USP53: variants seen among roughly 807,000 people sequenced by gnomAD.
USP53 encodes the protein ubiquitin specific peptidase 53.
In USP53, 71 loss-of-function variants were observed where a neutral mutation model predicts 94.9. The ratio of observed to expected loss-of-function variants is 0.75; its 90% CI spans 0.62 to 0.91. The LOEUF (loss-of-function observed/expected upper bound fraction) is 0.91, where lower values mean the gene tolerates loss of function less well. USP53 is among the 40% of genes least tolerant of loss of function. USP53 has a pLI of 0.00. For synonymous variants in USP53, 375 were observed against 422.7 expected (o/e 0.89, Z 1.39); for missense variants, 1,173 against 1,281.0 (o/e 0.92, Z 1.29).
intron 17 of USP53, among the ~76,000 whole-genome samples, chr4:119,288,837 C>G (rs1754399352): frequency 6.6e-6 from 1 of 150,630 alleles, no homozygotes; most frequent in Admixed American, 6.7e-5. Context: ...ACTCAGGAGG[C>G]TGAGGCAGGA....
intron 17 of USP53, among the ~76,000 whole-genome samples, chr4:119,281,058 TAAAG>T: frequency 6.6e-6 from 1 of 152,324 alleles, no homozygotes; most frequent in Non-Finnish European, 1.5e-5. Flanking sequence ...GAAAGATTGA[TAAAG>T]AGCCTTCTGG....
At chr4:119,273,349 T>A in intron 16 of USP53, 1 of 202,466 alleles carries the variant, frequency 4.9e-6, no homozygotes, top group Non-Finnish European at 9.9e-6. Context: ...AAGGTAATTT[T>A]ATAATTCTTC....
chr4:119,241,059 GT>G (rs1393202493), intron 5 of USP53, among the ~76,000 whole-genome samples: 6 of 152,078 alleles, frequency 3.9e-5, no homozygotes, highest in African/African-American at 1.4e-4. Context: ...ATATTTTTCT[GT>G]TTACCCTTTT....
chr4:119,280,009 C>T (rs1271952841), intron 17 of USP53, among the ~76,000 whole-genome samples: 1 of 152,174 alleles, frequency 6.6e-6, no homozygotes, highest in Non-Finnish European at 1.5e-5. Flanking sequence ...CTGGTACTCC[C>T]TAGTGAGATG....
rs962589283 is a variant in USP53, at chr4:119,278,310, G to A, written c.2251+4602G>A. On this transcript the variant is annotated intron_variant, in intron 17 of 18. Transcript: ENST00000692078. ...GGGCAGGCCTAGTGGTGACAAAATC[G>A]GTCAGCATTTGCTTGTCTGTGAAGT... 3.9e-5 allele frequency among the ~76,000 whole-genome samples: 6 copies of A among 151,968 alleles called. 1 individual carries two copies. In the South Asian group the frequency reaches 6.2e-4, roughly 16 times the overall value.
chr4:119,225,671 G>A (rs974347147), intron 3 of USP53, among the ~76,000 whole-genome samples: 11 of 151,838 alleles, frequency 7.2e-5, no homozygotes, highest in Admixed American at 1.3e-4. Context: ...GCGTGAACCC[G>A]GGAGGTGGAG....
intron 7 of USP53, among the ~76,000 whole-genome samples, chr4:119,254,238 G>T (rs1466976031): frequency 6.6e-6 from 1 of 152,116 alleles, no homozygotes; most frequent in Admixed American, 6.5e-5. Context: ...GGTGTTCTCT[G>T]TATTTCCTGA....
chr4:119,282,133 A>G (rs1753577346), intron 17 of USP53, among the ~76,000 whole-genome samples: 1 of 152,148 alleles, frequency 6.6e-6, no homozygotes, highest in Non-Finnish European at 1.5e-5. Context: ...TCCATGTTGT[A>G]GATGTATCAG....
At chr4:119,267,552 G>C in intron 13 of USP53, 70 bp downstream of exon 13, 1 of 1,439,422 alleles carries the variant, frequency 6.9e-7, no homozygotes, top group African/African-American at 1.4e-5. Flanking sequence ...CTAGTACTCT[G>C]AATATAAAAT....
intron 6 of USP53, among the ~76,000 whole-genome samples, chr4:119,246,343 T>G (rs1384139067): frequency 1.3e-5 from 2 of 152,174 alleles, no homozygotes; most frequent in African/African-American, 4.8e-5. Context: ...TTCTTGGAAG[T>G]GAGCCACCAT....
Position 119,239,770 on chromosome 4 carries a change from T to C in USP53, c.11T>C (p.Val4Ala). Reference sequence around the variant, plus strand: ...CAAAGTTGCTTGAAAATGGCATGGGTAAAATTCTTACGGAAACCTGGTGGC... The same window carrying C: ...CAAAGTTGCTTGAAAATGGCATGGGCAAAATTCTTACGGAAACCTGGTGGC... MAW[V>A]KFLRKPGGNL... is the part of the protein sequence containing the mutation. Residue 4 changes from valine (V) to alanine (A), a missense_variant, in exon 5 of 19, where the codon GTA (valine) becomes GCA (alanine). Coordinates refer to ENST00000692078, the MANE Select transcript of USP53 (RefSeq NM_001371395.1). The C allele has an allele frequency of 6.2e-7, 1 of 1,611,014 alleles. No individual in the cohort carries two copies. Among genetic ancestry groups the C allele is most frequent in the South Asian group, 1.1e-5 (1 of 90,368 alleles).
chr4:119,289,394 C>G (rs969586487), intron 17 of USP53, among the ~76,000 whole-genome samples: 1 of 152,120 alleles, frequency 6.6e-6, no homozygotes, highest in African/African-American at 2.4e-5. Flanking sequence ...GCAACACAGT[C>G]AAAAAGTAAA....
chr4:119,248,651 C>T, intron 6 of USP53, 97 bp from the exon 7 acceptor site: 1 of 1,403,688 alleles, frequency 7.1e-7, no homozygotes, highest in Non-Finnish European at 9.5e-7. Flanking sequence ...TATTATTTTC[C>T]AAGTATAGTG....
chr4:119,268,080 T>C (rs1190478338), intron 13 of USP53, among the ~76,000 whole-genome samples, 188 bp from the exon 14 acceptor site: 1 of 146,388 alleles, frequency 6.8e-6, no homozygotes, highest in African/African-American at 2.6e-5. Context: ...GGCAGCAGAA[T>C]GGCGTGAACC....
At chr4:119,284,727 G>A (rs1419965749) in intron 17 of USP53, among the ~76,000 whole-genome samples, 1 of 151,806 alleles carries the variant, frequency 6.6e-6, no homozygotes, top group Non-Finnish European at 1.5e-5. Flanking sequence ...CCACTGAACT[G>A]TACACTTAAA....
chr4:119,254,027 A>G (rs1043041282), intron 7 of USP53, among the ~76,000 whole-genome samples: 21 of 152,176 alleles, frequency 1.4e-4, no homozygotes, highest in African/African-American at 4.3e-4. Flanking sequence ...CTTTTCTTTA[A>G]GAATGTTGAA....
At position 119,293,882 on chromosome 4, in the gene USP53, ATTAACAATTT is replaced by A. The variant is rs1196859723; in HGVS notation, c.*672_*681del. On this transcript the variant is annotated 3_prime_UTR_variant, in exon 19 of 19. Coordinates refer to ENST00000692078, the MANE Select transcript of USP53 (RefSeq NM_001371395.1). ...ATTTGGGGAAAAAAAGCCTTATATG[ATTAACAATTT>A]GTAAGTTTTCAAGATCGGATGGAAT... is the stretch of plus-strand genomic sequence containing the variant. 1 of 152,122 alleles carries A rather than the reference ATTAACAATTT, an allele frequency of 6.6e-6. No homozygotes were observed. 9.4% of individuals were successfully genotyped at this position (152,122 alleles called of 1,614,324 possible).
chr4:119,284,055 G>T (rs981129111), intron 17 of USP53, among the ~76,000 whole-genome samples: 10 of 151,868 alleles, frequency 6.6e-5, no homozygotes, highest in Non-Finnish European at 1.2e-4. Flanking sequence ...AAAGATATGA[G>T]AAAATATTGG....
At chr4:119,285,997 C>T (rs890154244) in intron 17 of USP53, among the ~76,000 whole-genome samples, 1 of 151,732 alleles carries the variant, frequency 6.6e-6, no homozygotes, top group Admixed American at 6.6e-5. Context: ...TTGACTCCTG[C>T]TTTATTATTT....
Sources: allele counts gnomAD v4.1 joint callset (sites outside exome capture counted in the v4.1 genomes callset), GRCh38; gene constraint gnomAD v4.1.1; transcripts MANE v1.5; gene names NCBI Gene and HGNC (gene_info 2026-07-23, HGNC 2026-07-21).